The following MAML2 variants were observed in gnomAD, a reference collection of about 807,000 sequenced individuals.
The protein encoded by MAML2 is mastermind-like protein 2.
A neutral mutation model predicts 96.1 loss-of-function variants in MAML2; 22 were observed. That is an observed-to-expected ratio of 0.23 (90% CI 0.16 to 0.33). The LOEUF (loss-of-function observed/expected upper bound fraction) is 0.33. Ranked by LOEUF, MAML2 falls within the 10% of genes least tolerant of loss-of-function variation. MAML2 has a pLI of 1.00. For synonymous variants in MAML2, 561 were observed against 521.3 expected (o/e 1.08, Z -1.04); for missense variants, 1,367 against 1,392.4 (o/e 0.98, Z 0.29).
At chr11:96,331,668 A>G (rs1384818261) in intron 1 of MAML2, among the ~76,000 whole-genome samples, 1 of 151,878 alleles carries the variant, frequency 6.6e-6, no homozygotes, top group Non-Finnish European at 1.5e-5. Context: ...AAGGAAAAAA[A>G]TTAGCCGGGC....
At chr11:96,011,674 A>G (rs770582300) in intron 2 of MAML2, among the ~76,000 whole-genome samples, 2 of 152,174 alleles carry the variant, frequency 1.3e-5, no homozygotes, top group Non-Finnish European at 2.9e-5. Flanking sequence ...TCATCATGCA[A>G]TATAACCATG....
chr11:95,990,228 C>G (rs1857888943), intron 3 of MAML2, among the ~76,000 whole-genome samples: 1 of 152,022 alleles, frequency 6.6e-6, no homozygotes, highest in Admixed American at 6.6e-5. Flanking sequence ...TACTATAATG[C>G]AAATCTGAAT....
chr11:96,278,849 G>T (rs1335568647), intron 1 of MAML2, among the ~76,000 whole-genome samples: 1 of 152,102 alleles, frequency 6.6e-6, no homozygotes, highest in Non-Finnish European at 1.5e-5. Flanking sequence ...ATTTTGGAAG[G>T]GATTTGCCTA....
At chr11:96,172,123 T>G (rs1035286055) in intron 1 of MAML2, among the ~76,000 whole-genome samples, 1 of 152,238 alleles carries the variant, frequency 6.6e-6, no homozygotes, top group African/African-American at 2.4e-5. Flanking sequence ...TGTACACTTA[T>G]GTATCCAAAA....
chr11:96,120,558 C>G (rs1461248413), intron 1 of MAML2, among the ~76,000 whole-genome samples: 8 of 152,218 alleles, frequency 5.3e-5, no homozygotes, highest in Non-Finnish European at 1.0e-4. Context: ...GCTCCTTAAG[C>G]ACTTTGTTTC....
At chr11:96,189,054 G>C (rs1410020700) in intron 1 of MAML2, among the ~76,000 whole-genome samples, 1 of 150,286 alleles carries the variant, frequency 6.7e-6, no homozygotes, top group Non-Finnish European at 1.5e-5. Context: ...CTAGCTCAAT[G>C]CTAGAAACTG....
Position 95,991,781 on chromosome 11 carries a change from G to A in MAML2, c.2140-58C>T, listed in dbSNP as rs755282273. On this transcript the variant is annotated intron_variant, in intron 2 of 4. Coordinates refer to ENST00000524717, the MANE Select transcript of MAML2 (RefSeq NM_032427.4). ...TGTGAATTAAAAAAAGAAAAATGTA[G>A]CACAAAGATCATACACTCAGATTCC... 67 of 1,340,478 alleles carry A rather than the reference G, an allele frequency of 5.0e-5. 2 individuals carry two copies. In the South Asian group the frequency reaches 7.7e-4, roughly 15 times the overall value. 83.0% of individuals were successfully genotyped at this position (1,340,478 alleles called of 1,614,324 possible).
At chr11:96,318,173 T>C (rs917829191) in intron 1 of MAML2, among the ~76,000 whole-genome samples, 1 of 152,200 alleles carries the variant, frequency 6.6e-6, no homozygotes, top group Non-Finnish European at 1.5e-5. Flanking sequence ...GCAGTGTCTA[T>C]GTACCAGATC....
intron 2 of MAML2, among the ~76,000 whole-genome samples, chr11:96,011,406 C>T (rs527906780): frequency 3.9e-5 from 6 of 152,268 alleles, no homozygotes; most frequent in African/African-American, 1.2e-4. Flanking sequence ...AATTAAATCA[C>T]GTCCTTTTGT....
chr11:96,313,457 C>T (rs1378335904), intron 1 of MAML2, among the ~76,000 whole-genome samples: 1 of 152,150 alleles, frequency 6.6e-6, no homozygotes, highest in Non-Finnish European at 1.5e-5. Flanking sequence ...TCCTTTCCCA[C>T]CATGCCAAAT....
intron 1 of MAML2, among the ~76,000 whole-genome samples, chr11:96,261,323 A>G (rs1201612531): frequency 6.6e-6 from 1 of 152,056 alleles, no homozygotes; most frequent in African/African-American, 2.4e-5. Context: ...CAGCCCCTCA[A>G]CCTTGGACCT....
chr11:96,073,621 T>C (rs1859383514), intron 2 of MAML2, among the ~76,000 whole-genome samples: 1 of 152,130 alleles, frequency 6.6e-6, no homozygotes. Flanking sequence ...AAAGGAGTCA[T>C]GGCAGCTGAA....
intron 1 of MAML2, among the ~76,000 whole-genome samples, chr11:96,294,998 G>A (rs1000454902): frequency 1.3e-5 from 2 of 152,160 alleles, no homozygotes; most frequent in South Asian, 2.1e-4. Context: ...ATTGACTTTG[G>A]TAAAATGACC....
At chr11:96,060,781 A>G (rs968335973) in intron 2 of MAML2, among the ~76,000 whole-genome samples, 1 of 152,206 alleles carries the variant, frequency 6.6e-6, no homozygotes, top group Non-Finnish European at 1.5e-5. Context: ...GCCAAGTTTT[A>G]GTTTATTAGA....
intron 1 of MAML2, among the ~76,000 whole-genome samples, chr11:96,164,034 TTG>T (rs993122899): frequency 6.6e-6 from 1 of 151,200 alleles, no homozygotes; most frequent in African/African-American, 2.5e-5. Context: ...CTATTTTTTT[TTG>T]TTTTTTTTTG....
intron 1 of MAML2, among the ~76,000 whole-genome samples, chr11:96,295,681 AACACACACACAC>A (rs71745057): frequency 6.8e-6 from 1 of 147,120 alleles, no homozygotes; most frequent in Admixed American, 6.8e-5. Context: ...CTGCTGCTGT[AACACACACACAC>A]ACACACACAC....
intron 2 of MAML2, among the ~76,000 whole-genome samples, chr11:96,053,564 G>A (rs1590983929): frequency 1.3e-5 from 2 of 152,090 alleles, no homozygotes; most frequent in African/African-American, 2.4e-5. Context: ...CCTTTGGGAC[G>A]GGAAACTCAG....
intron 1 of MAML2, among the ~76,000 whole-genome samples, chr11:96,252,738 G>A (rs1862602414): frequency 6.6e-6 from 1 of 152,146 alleles, no homozygotes. Context: ...GATGAGACTT[G>A]TCCAAGGTCA....
chr11:96,246,905 C>T (rs983716687), intron 1 of MAML2, among the ~76,000 whole-genome samples: 1 of 152,180 alleles, frequency 6.6e-6, no homozygotes, highest in African/African-American at 2.4e-5. Flanking sequence ...CACCCTGTCT[C>T]TATTGTTAAT....
Sources: allele counts gnomAD v4.1 joint callset (sites outside exome capture counted in the v4.1 genomes callset), GRCh38; gene constraint gnomAD v4.1.1; transcripts MANE v1.5; gene names NCBI Gene and HGNC (gene_info 2026-07-23, HGNC 2026-07-21).